Variants in PCNX4 observed in about 807,000 individuals in gnomAD.
PCNX4 encodes the protein pecanex 4.
In PCNX4, 103 loss-of-function variants were observed where a neutral mutation model predicts 107.2. That is an observed-to-expected ratio of 0.96 (90% CI 0.82 to 1.13). The LOEUF (loss-of-function observed/expected upper bound fraction) is 1.13, where lower values mean the gene tolerates loss of function less well. PCNX4 is among the 50% of genes most tolerant of loss of function. PCNX4 has a pLI of 0.00. For synonymous variants in PCNX4, 541 were observed against 481.7 expected, an observed-to-expected ratio of 1.12 and a Z score of -1.61; for missense variants, 1,528 against 1,379.4, an observed-to-expected ratio of 1.11 and a Z score of -1.71.
chr14:60,098,016 C>T (rs1895458788), intron 1 of PCNX4, among the ~76,000 whole-genome samples: 1 of 152,148 alleles, frequency 6.6e-6, no homozygotes, highest in Admixed American at 6.5e-5. Context: ...CGACGAGGAC[C>T]ATCATTTTAA....
chr14:60,095,584 A>T (rs1299302828), intron 1 of PCNX4, among the ~76,000 whole-genome samples: 1 of 152,218 alleles, frequency 6.6e-6, no homozygotes, highest in East Asian at 1.9e-4. Context: ...GGGTCCCAAA[A>T]TTTAATTTCC....
intron 1 of PCNX4, among the ~76,000 whole-genome samples, chr14:60,098,644 A>T (rs1895472174): frequency 6.6e-6 from 1 of 152,172 alleles, no homozygotes; most frequent in African/African-American, 2.4e-5. Flanking sequence ...CTGTTTAAAC[A>T]TCAAAAGTCT....
Position 60,142,098 on chromosome 14 carries a change from G to A in PCNX4, c.*7877G>A, listed in dbSNP as rs1020582498. The A allele has an allele frequency of 6.6e-6, 1 of 152,130 alleles. No individual in the cohort carries two copies. Among genetic ancestry groups the A allele is most frequent in the Admixed American group, 6.5e-5 (1 of 15,270 alleles). The allele number at this position is 152,130 out of a possible 1,614,324, so 9.4% of individuals were successfully genotyped here. On this transcript the variant is annotated 3_prime_UTR_variant, in exon 11 of 11. Coordinates refer to ENST00000406854, the MANE Select transcript of PCNX4 (RefSeq NM_001330177.2). The surrounding 1 kb of genome is among the most constrained non-coding windows in gnomAD (Gnocchi z 4.7). ...ATTGGTTGCCTGGAATGGGGTGGGC[G>A]AGGGGAAATGATTACAAAAGGGCAA...
rs1194213696 is a variant in PCNX4, at chr14:60,124,495, G to A, written c.2324G>A (p.Arg775Lys). ...VWILVQYCSK[R>K]PGMKENVHNT... Reference sequence around the variant, plus strand: ...ATACTTGTTCAATACTGCTCCAAAAGGCCTGGCATGAAAGAGAATGTTCAC... The same window carrying A: ...ATACTTGTTCAATACTGCTCCAAAAAGCCTGGCATGAAAGAGAATGTTCAC... The change falls in exon 9 of 11, where the codon AGG (arginine) becomes AAG (lysine). Residue 775 changes from arginine (R) to lysine (K), a missense_variant. Transcript: ENST00000406854. The A allele has an allele frequency of 6.2e-7, 1 of 1,613,752 alleles. No homozygotes were observed. The highest frequency in any genetic ancestry group is 1.1e-5 in the South Asian group (1 of 91,074).
At chr14:60,100,745 A>G (rs1225494406) in intron 1 of PCNX4, among the ~76,000 whole-genome samples, 2 of 152,220 alleles carry the variant, frequency 1.3e-5, no homozygotes, top group Non-Finnish European at 2.9e-5. Flanking sequence ...GGTGGGTTTT[A>G]TTTAACCCTG....
At chr14:60,116,890 A>AGG (rs1895859253) in intron 6 of PCNX4, among the ~76,000 whole-genome samples, 1 of 152,180 alleles carries the variant, frequency 6.6e-6, no homozygotes, top group Non-Finnish European at 1.5e-5. Flanking sequence ...CTAGACTGAT[A>AGG]CGTGTTTTTG....
chr14:60,142,000 G>A lies in PCNX4; in HGVS notation c.*7779G>A, dbSNP rs901324192. 1 of 152,204 alleles carries A rather than the reference G, an allele frequency of 6.6e-6. No individual in the cohort carries two copies. The highest frequency in any genetic ancestry group is 1.5e-5 in the Non-Finnish European group (1 of 68,020). 9.4% of individuals were successfully genotyped at this position (152,204 alleles called of 1,614,324 possible). On this transcript the variant is annotated 3_prime_UTR_variant, in exon 11 of 11. Coordinates refer to ENST00000406854, the MANE Select transcript of PCNX4 (RefSeq NM_001330177.2). ...TTTGACATTCCCGCCAGCAGTTTAT[G>A]TGTACAAAATGTATAATTACATTTA...
intron 8 of PCNX4, among the ~76,000 whole-genome samples, chr14:60,121,942 T>C (rs975484742): frequency 1.3e-5 from 2 of 152,188 alleles, no homozygotes; most frequent in African/African-American, 4.8e-5. Flanking sequence ...CTCTACTTTG[T>C]GGTTCCTTCT....
Position 60,107,764 on chromosome 14 carries a change from TAATC to T in PCNX4, c.129_132del (p.Asn43LysfsTer6). The T allele has an allele frequency of 1.9e-6, 3 of 1,612,770 alleles. No homozygotes were observed. Among genetic ancestry groups the T allele is most frequent in the Non-Finnish European group, 2.5e-6 (3 of 1,179,780 alleles). ...ATTGTGCCCCTCCTTACATATATGTTAATCAAATTATTCTTTTTCTAATGCCATG... is the reference window on the plus strand; with the variant it reads ...ATTGTGCCCCTCCTTACATATATGTTAAATTATTCTTTTTCTAATGCCATG... On this transcript the variant is annotated frameshift_variant, in exon 2 of 11. Coordinates refer to ENST00000406854, the MANE Select transcript of PCNX4 (RefSeq NM_001330177.2). LOFTEE classifies it high-confidence loss of function.
chr14:60,097,284 A>G (rs72718088), intron 1 of PCNX4, among the ~76,000 whole-genome samples: 13,709 of 152,228 alleles, frequency 0.09, 863 homozygotes, highest in Non-Finnish European at 0.14. Context: ...TATCTGTTAC[A>G]GGAATCAACT....
At chr14:60,092,492 A>C (rs1007613617) in intron 1 of PCNX4, 73 bp downstream of exon 1, 2 of 152,268 alleles carry the variant, frequency 1.3e-5, no homozygotes, top group Admixed American at 6.5e-5. Context: ...CGGAGAGCCA[A>C]GTTGTTCTAG....
intron 1 of PCNX4, among the ~76,000 whole-genome samples, chr14:60,098,231 C>G (rs1895464129): frequency 6.6e-6 from 1 of 152,100 alleles, no homozygotes; most frequent in Non-Finnish European, 1.5e-5. Context: ...CAGAGACATT[C>G]CAACCCTACC....
Position 60,125,247 on chromosome 14 carries a change from T to A in PCNX4, c.3076T>A (p.Phe1026Ile), listed in dbSNP as rs756831269. The change falls in exon 9 of 11, where the codon TTC becomes ATC. Residue 1026 changes from phenylalanine (F) to isoleucine (I), a missense_variant. Transcript: ENST00000406854. ...PELFQLALKA[F>I]RYTLKLMIDK... The stretch of plus-strand genomic sequence containing the variant: ...ACTGTTTCAACTAGCACTGAAAGCA[T>A]TCAGGTAATCCATTTTGATCATATG... 1.3e-6 allele frequency: 2 copies of A among 1,553,262 alleles called. No homozygotes were observed. Among genetic ancestry groups the A allele is most frequent in the Admixed American group, 4.2e-5 (2 of 47,388 alleles).
rs1253182836 is a variant in PCNX4 at position 60,138,689 on chromosome 14, A to G, written c.*4468A>G. On this transcript the variant is annotated 3_prime_UTR_variant, in exon 11 of 11. Coordinates refer to ENST00000406854, the MANE Select transcript of PCNX4 (RefSeq NM_001330177.2). ...GACACTTTCAAACGCAACAAATTTA[A>G]TAGCAGATTGTCATTAAAGGTGATA... The G allele has an allele frequency of 6.6e-6, 1 of 152,176 alleles. No individual in the cohort carries two copies. 9.4% of individuals were successfully genotyped at this position (152,176 alleles called of 1,614,324 possible).
rs760596087 is a variant in PCNX4, at chr14:60,118,408, CAG to C, written c.1662_1663del (p.Lys556ThrfsTer124). ...GTGACTGTGCTTTTGACATCATGGA[CAG>C]AGAAAAAACAACGTCGAAAAACAAC... is the stretch of plus-strand genomic sequence containing the variant. On this transcript the variant is annotated frameshift_variant, in exon 7 of 11. Coordinates refer to ENST00000406854, the MANE Select transcript of PCNX4 (RefSeq NM_001330177.2). LOFTEE classifies it high-confidence loss of function. 2.2e-5 allele frequency: 36 copies of C among 1,613,374 alleles called. No homozygotes were observed. In the South Asian group the frequency reaches 4.0e-4, roughly 18 times the overall value.
At chr14:60,121,369 C>T in intron 8 of PCNX4, 70 bp downstream of exon 8, 2 of 1,435,616 alleles carry the variant, frequency 1.4e-6, no homozygotes, top group Non-Finnish European at 1.9e-6. Context: ...GTTATGTTCA[C>T]ATCAAACACT....
intron 10 of PCNX4, 42 bp from the exon 11 acceptor site, chr14:60,133,926 ATC>A (rs1461802235): frequency 8.4e-6 from 13 of 1,541,186 alleles, no homozygotes; most frequent in Non-Finnish European, 1.1e-5. Flanking sequence ...CCTAAATGGA[ATC>A]TCTTTTCTTT....
Position 60,108,237 on chromosome 14 carries a change from C to A in PCNX4, c.599C>A (p.Ala200Glu), listed in dbSNP as rs761147742. ...ATTGTAAACACAGCTACAGAGACTG[C>A]GACTTTCCAAACACAGGATACTTAT... is the stretch of plus-strand genomic sequence containing the variant. ...SLIVNTATET[A>E]TFQTQDTYEI... Residue 200 changes from alanine to glutamate, a missense_variant, in exon 2 of 11, where the codon GCG (alanine) becomes GAG (glutamate). By Grantham distance (107) the Ala-to-Glu change is moderately radical (BLOSUM62 -1). Coordinates refer to ENST00000406854, the MANE Select transcript of PCNX4 (RefSeq NM_001330177.2). The A allele has an allele frequency of 8.1e-6, 13 of 1,612,436 alleles. No individual in the cohort carries two copies. In the South Asian group the frequency reaches 1.2e-4, roughly 15 times the overall value.
chr14:60,096,317 G>C (rs547437313), intron 1 of PCNX4, among the ~76,000 whole-genome samples: 1 of 152,216 alleles, frequency 6.6e-6, no homozygotes, highest in African/African-American at 2.4e-5. Flanking sequence ...TGACTTCCTT[G>C]TTTAGCAAGG....
Sources: allele counts gnomAD v4.1 joint callset (sites outside exome capture counted in the v4.1 genomes callset), GRCh38; gene constraint gnomAD v4.1.1; non-coding constraint Gnocchi (gnomAD v3.1); transcripts MANE v1.5; gene names NCBI Gene and HGNC (gene_info 2026-07-23, HGNC 2026-07-21).